The following DCAF1 variants were observed in gnomAD, a reference collection of about 807,000 sequenced individuals.
The protein encoded by DCAF1 is DDB1- and CUL4-associated factor 1.
A neutral mutation model predicts 128.0 loss-of-function variants in DCAF1; 15 were observed. The ratio of observed to expected loss-of-function variants is 0.12; its 90% CI spans 0.08 to 0.18. DCAF1 has a LOEUF of 0.18. Ranked by LOEUF, DCAF1 falls within the 10% of genes least tolerant of loss-of-function variation. DCAF1 has a pLI of 1.00. For missense variants in DCAF1, 988 were observed against 1,649.5 expected (o/e 0.60, Z 6.95); for synonymous variants, 610 against 603.0 (o/e 1.01, Z -0.17).
chr3:51,438,089 G>A (rs1037239505), intron 9 of DCAF1: 2 of 437,384 alleles, frequency 4.6e-6, no homozygotes, highest in African/African-American at 2.1e-5. Context: ...TCTGACTTCT[G>A]CATGCCCAAA....
At chr3:51,423,819 CAA>C (rs200404018) in intron 13 of DCAF1, among the ~76,000 whole-genome samples, 31 of 70,652 alleles carry the variant, frequency 4.4e-4, no homozygotes, top group Admixed American at 1.5e-3. Context: ...GACTCCGTTT[CAA>C]AAAAAAAAAA....
intron 6 of DCAF1, among the ~76,000 whole-genome samples, chr3:51,462,390 G>C (rs954411686): frequency 1.3e-5 from 2 of 152,090 alleles, no homozygotes; most frequent in Non-Finnish European, 2.9e-5. Flanking sequence ...CTGCATTCCA[G>C]CCTGGGCGAC....
At chr3:51,474,250 C>T (rs1470145691) in intron 3 of DCAF1, among the ~76,000 whole-genome samples, 6 of 152,120 alleles carry the variant, frequency 3.9e-5, no homozygotes, top group Non-Finnish European at 7.4e-5. Flanking sequence ...GAAACCCCGT[C>T]TCTGCTAAAA....
intron 14 of DCAF1, 122 bp downstream of exon 14, chr3:51,422,185 C>A (rs1213022721): frequency 3.2e-6 from 2 of 632,712 alleles, no homozygotes; most frequent in East Asian, 5.5e-5. Flanking sequence ...AGACAAGGAG[C>A]CCCCCTCTAC....
intron 7 of DCAF1, among the ~76,000 whole-genome samples, chr3:51,442,653 C>T (rs1447886285): frequency 6.6e-5 from 10 of 151,736 alleles, no homozygotes; most frequent in African/African-American, 2.2e-4. Flanking sequence ...GAGCCGAGAT[C>T]GCGTCATTGC....
rs2108393371 is a variant in DCAF1 at position 51,482,433 on chromosome 3, T to TG, written c.110+1285dup. ...ACAGCCTGGTGACAGAGTGAGACCC[T>TG]GTCTCCAAAAAAACAGAGCCAGAAG... On this transcript the variant is annotated intron_variant, in intron 3 of 24. Transcript: ENST00000684031. 2.0e-5 allele frequency among the ~76,000 whole-genome samples: 3 copies of TG among 150,342 alleles called. 1 individual carries two copies. In the South Asian group the frequency reaches 6.3e-4, roughly 32 times the overall value.
At chr3:51,405,145 C>T (rs1328539428) in intron 23 of DCAF1, among the ~76,000 whole-genome samples, 4 of 152,128 alleles carry the variant, frequency 2.6e-5, no homozygotes, top group African/African-American at 7.2e-5. Flanking sequence ...CTTAAGGCTT[C>T]GTGGACAGAA....
chr3:51,504,701 C>T (rs1414146796), upstream of DCAF1, among the ~76,000 whole-genome samples: 2 of 152,156 alleles, frequency 1.3e-5, no homozygotes, highest in Non-Finnish European at 2.9e-5. Flanking sequence ...ATAGACCATT[C>T]TACAGGATTC....
At chr3:51,454,686 T>TTG (rs1458467617) in intron 6 of DCAF1, among the ~76,000 whole-genome samples, 2 of 151,436 alleles carry the variant, frequency 1.3e-5, no homozygotes, top group Admixed American at 6.6e-5. Context: ...TTGTTTTGTT[T>TTG]TTTTTGAGAC....
chr3:51,454,964 C>T (rs184113334), intron 6 of DCAF1, among the ~76,000 whole-genome samples: 83 of 152,316 alleles, frequency 5.4e-4, no homozygotes, highest in African/African-American at 1.9e-3. Context: ...TGAGCCGCCA[C>T]GCCCGGCCTA....
chr3:51,413,261 T>C (rs781833799), intron 21 of DCAF1, 21 bp downstream of exon 21: 1 of 1,609,194 alleles, frequency 6.2e-7, no homozygotes, highest in East Asian at 2.2e-5. Context: ...AAATGTTCAA[T>C]GTCTGTCCCT....
At chr3:51,427,128 C>T (rs1226291354) in intron 13 of DCAF1, among the ~76,000 whole-genome samples, 9 of 152,276 alleles carry the variant, frequency 5.9e-5, no homozygotes, top group Middle Eastern at 3.4e-3. Context: ...GTACCTTCTC[C>T]GACAGTACAG....
chr3:51,411,423 C>G (rs1698407438), intron 23 of DCAF1, among the ~76,000 whole-genome samples: 1 of 149,640 alleles, frequency 6.7e-6, no homozygotes, highest in African/African-American at 2.4e-5. Context: ...GCCCTGTAGG[C>G]TGGAAAAAAT....
chr3:51,406,530 A>G (rs981470455), intron 23 of DCAF1, among the ~76,000 whole-genome samples: 7 of 151,980 alleles, frequency 4.6e-5, no homozygotes, highest in Admixed American at 1.3e-4. Flanking sequence ...TCTCTACAGA[A>G]AGAATTCTAA....
At chr3:51,419,023 T>A in intron 15 of DCAF1, 147 bp from the exon 16 acceptor site, 1 of 1,341,762 alleles carries the variant, frequency 7.5e-7, no homozygotes, top group Non-Finnish European at 9.7e-7. Context: ...CTTTTTATTT[T>A]AAATAAGAAA....
At chr3:51,465,011 G>A (rs782382041) in intron 5 of DCAF1, among the ~76,000 whole-genome samples, 9 of 152,086 alleles carry the variant, frequency 5.9e-5, no homozygotes, top group Non-Finnish European at 1.0e-4. Context: ...TAAGCAAGAG[G>A]GTACCATAAT....
chr3:51,436,438 G>A (rs782135205), intron 9 of DCAF1: 3 of 520,064 alleles, frequency 5.8e-6, no homozygotes, highest in Non-Finnish European at 1.2e-5. Flanking sequence ...ACGGAATTAT[G>A]ACACTGAGCC....
chr3:51,478,873 G>T (rs190177595), intron 3 of DCAF1, among the ~76,000 whole-genome samples: 10 of 152,038 alleles, frequency 6.6e-5, no homozygotes, highest in Non-Finnish European at 8.8e-5. Context: ...AAAAAAACTG[G>T]TATTTTCACA....
intron 7 of DCAF1, among the ~76,000 whole-genome samples, chr3:51,442,971 C>T (rs1701502984): frequency 6.6e-6 from 1 of 151,982 alleles, no homozygotes. Flanking sequence ...GATGCTGGGC[C>T]TAATACTTAG....
Sources: gnomAD v4.1 joint callset for allele counts (sites outside exome capture counted in the v4.1 genomes callset) on GRCh38, gnomAD v4.1.1 for gene constraint, MANE v1.5 for transcripts, NCBI Gene and HGNC (gene_info 2026-07-23, HGNC 2026-07-21) for gene names.